The following PDXDC1 variants were observed in gnomAD, a reference collection of about 807,000 sequenced individuals.
The protein encoded by PDXDC1 is pyridoxal dependent decarboxylase domain containing 1.
A neutral mutation model predicts 100.1 loss-of-function variants in PDXDC1; 42 were observed. That is an observed-to-expected ratio of 0.42 (90% CI 0.33 to 0.54). The LOEUF (loss-of-function observed/expected upper bound fraction) is 0.54, where lower values mean the gene tolerates loss of function less well. Among genes scored for constraint, PDXDC1 ranks in the 20% least tolerant of loss-of-function variants. The probability of loss-of-function intolerance (pLI) is 0.10; values close to 1 mark genes in which losing one functional copy is unlikely to be tolerated. For missense variants in PDXDC1, 636 were observed against 979.2 expected (o/e 0.65, Z 4.68); for synonymous variants, 260 against 371.7 (o/e 0.70, Z 3.46).
chr16:15,080,065 C>T (rs770133244), intron 16 of PDXDC1: 5 of 1,601,850 alleles, frequency 3.1e-6, no homozygotes, highest in Non-Finnish European at 4.3e-6. Flanking sequence ...AAAATATACA[C>T]TAATCCTTAG....
chr16:15,067,782 G>C (rs964950230), intron 16 of PDXDC1, among the ~76,000 whole-genome samples: 1 of 152,114 alleles, frequency 6.6e-6, no homozygotes, highest in African/African-American at 2.4e-5. Context: ...TTAAGAGACA[G>C]GGTCTCATTC....
At chr16:15,090,042 C>T (rs1202254526) in intron 16 of PDXDC1, among the ~76,000 whole-genome samples, 2 of 151,826 alleles carry the variant, frequency 1.3e-5, no homozygotes, top group Non-Finnish European at 2.9e-5. Context: ...AACCCCGTTT[C>T]TACTAAAAAT....
At chr16:15,043,963 AAG>A (rs143015654) in intron 16 of PDXDC1, among the ~76,000 whole-genome samples, 13 of 152,300 alleles carry the variant, frequency 8.5e-5, no homozygotes, top group Middle Eastern at 3.4e-3. Context: ...AAGAAAAAAA[AAG>A]AAAAAATTTG....
At chr16:15,093,817 G>A (rs1178760559) in intron 16 of PDXDC1, 4 of 405,072 alleles carry the variant, frequency 9.9e-6, no homozygotes, top group Admixed American at 4.9e-5. Context: ...CATAGCCCAG[G>A]GAAATCCCTT....
chr16:15,039,937 T>C, downstream of PDXDC1: 2 of 1,267,726 alleles, frequency 1.6e-6, no homozygotes, highest in Non-Finnish European at 1.1e-6. Flanking sequence ...TTTTTTTTTT[T>C]AACCCCTTAA....
chr16:15,139,877 T>TATG (rs903583722), downstream of PDXDC1, among the ~76,000 whole-genome samples: 2 of 151,414 alleles, frequency 1.3e-5, no homozygotes, highest in African/African-American at 4.9e-5. Context: ...GTGGGTGGAT[T>TATG]ATGAGATCAA....
chr16:15,055,616 G>T, intron 16 of PDXDC1: 1 of 315,718 alleles, frequency 3.2e-6, no homozygotes, highest in South Asian at 1.6e-4. Flanking sequence ...GCGTGTCCCC[G>T]AGCCGCAGTG....
Position 15,047,953 on chromosome 16 carries a change from A to G in PDXDC1, c.1399+17897A>G, listed in dbSNP as rs537236749. 5 of 1,605,418 alleles carry G rather than the reference A, an allele frequency of 3.1e-6. No individual in the cohort carries two copies. In the South Asian group the frequency reaches 3.3e-5, roughly 11 times the overall value. ...AAAAAGAAATAAAATAAAATATCCAATAGCCTTTTGGGATAACGCCCAATT... is the reference window on the plus strand; with the variant it reads ...AAAAAGAAATAAAATAAAATATCCAGTAGCCTTTTGGGATAACGCCCAATT... On this transcript the variant is annotated intron_variant, in intron 16 of 16. Coordinates refer to the PDXDC1 transcript ENST00000535621.
intron 14 of PDXDC1, among the ~76,000 whole-genome samples, chr16:15,027,935 G>A (rs1222126593): frequency 3.3e-5 from 5 of 152,268 alleles, no homozygotes; most frequent in Non-Finnish European, 4.4e-5. Flanking sequence ...CCAGGGACCC[G>A]CCTTTCTCTC....
chr16:15,028,567 G>T (rs2042803787), intron 14 of PDXDC1, among the ~76,000 whole-genome samples: 1 of 152,304 alleles, frequency 6.6e-6, no homozygotes, highest in Non-Finnish European at 1.5e-5. Context: ...GGCACTCACA[G>T]ACCTCGCACG....
intron 6 of PDXDC1, 89 bp from the exon 7 acceptor site, chr16:15,008,690 C>T (rs1458043421): frequency 1.8e-5 from 21 of 1,190,972 alleles, no homozygotes; most frequent in Admixed American, 2.1e-5. Flanking sequence ...GAAGAATAAT[C>T]GTGTCTTGTC....
In PDXDC1 at chr16:15,031,146, G is replaced by A. The variant is rs373266476; in HGVS notation, c.1400-589G>A. Among the ~76,000 whole-genome samples, 34 of 110,634 alleles carry A rather than the reference G, an allele frequency of 3.1e-4. No individual in the cohort carries two copies. In the East Asian group the frequency reaches 9.3e-3, roughly 30 times the overall value. 72.6% of individuals were successfully genotyped at this position (110,634 alleles called of 152,430 possible). Reference sequence around the variant, plus strand: ...TTTTTTTTTTTTTTTCCATAGAGACGTGGTCTCACTCTGTCACCCAGGCTG... The same window carrying A: ...TTTTTTTTTTTTTTTCCATAGAGACATGGTCTCACTCTGTCACCCAGGCTG... On this transcript the variant is annotated intron_variant, in intron 16 of 22. Coordinates refer to ENST00000396410, the MANE Select transcript of PDXDC1 (RefSeq NM_015027.4).
chr16:15,126,048 T>G, intron 16 of PDXDC1: 1 of 571,614 alleles, frequency 1.7e-6, no homozygotes, highest in East Asian at 2.9e-5. Flanking sequence ...CATTTTTTTT[T>G]TTCTTAGATG....
At chr16:15,086,104 A>T in intron 16 of PDXDC1, 2 of 1,599,114 alleles carry the variant, frequency 1.3e-6, no homozygotes, top group Non-Finnish European at 1.7e-6. Flanking sequence ...TTAAAAAGAA[A>T]ATAAAATTCC....
chr16:15,066,969 C>T (rs1375399447), intron 16 of PDXDC1, among the ~76,000 whole-genome samples: 1 of 151,836 alleles, frequency 6.6e-6, no homozygotes, highest in Non-Finnish European at 1.5e-5. Flanking sequence ...GTCCCCACCC[C>T]GAGAACATAC....
intron 8 of PDXDC1, among the ~76,000 whole-genome samples, chr16:15,014,395 G>T (rs192003813): frequency 8.8e-4 from 134 of 152,324 alleles, no homozygotes; most frequent in African/African-American, 3.2e-3. Flanking sequence ...TGTTGCAGAT[G>T]TCAGCAGACA....
At chr16:15,128,403 G>C in intron 16 of PDXDC1, 5 of 1,455,028 alleles carry the variant, frequency 3.4e-6, no homozygotes, top group Non-Finnish European at 4.8e-6. Flanking sequence ...GAGGGCAAGA[G>C]GGAGGGGTGG....
chr16:15,043,046 A>G (rs1438980782), downstream of PDXDC1, among the ~76,000 whole-genome samples: 1 of 151,960 alleles, frequency 6.6e-6, no homozygotes, highest in Non-Finnish European at 1.5e-5. Flanking sequence ...GATTACAGGC[A>G]TGCACCACCA....
chr16:15,046,293 C>T (rs1320394033), intron 16 of PDXDC1, among the ~76,000 whole-genome samples: 2 of 152,140 alleles, frequency 1.3e-5, no homozygotes, highest in Non-Finnish European at 2.9e-5. Context: ...ATTAAGCCTT[C>T]GTATATGATG....
Sources: gnomAD v4.1 joint callset for allele counts (sites outside exome capture counted in the v4.1 genomes callset) on GRCh38, gnomAD v4.1.1 for gene constraint, MANE v1.5 for transcripts, NCBI Gene and HGNC (gene_info 2026-07-23, HGNC 2026-07-21) for gene names.